JAM3: variants seen among roughly 807,000 people sequenced by gnomAD.
The protein encoded by JAM3 is junctional adhesion molecule C.
In JAM3, 31 loss-of-function variants were observed where a neutral mutation model predicts 39.4. That is an observed-to-expected ratio of 0.79 (90% CI 0.59 to 1.06). The LOEUF is 1.06. JAM3 is among the 50% of genes least tolerant of loss of function. JAM3 has a pLI of 0.00. For synonymous variants in JAM3, 182 were observed against 148.7 expected, an observed-to-expected ratio of 1.22 and a Z score of -1.63; for missense variants, 455 against 391.4, an observed-to-expected ratio of 1.16 and a Z score of -1.37.
intron 1 of JAM3, among the ~76,000 whole-genome samples, chr11:134,120,137 C>T (rs895637470): frequency 2.0e-5 from 3 of 149,320 alleles, no homozygotes; most frequent in African/African-American, 7.4e-5. Flanking sequence ...ATATATTCTT[C>T]TCTAGGGTAG....
At chr11:134,117,903 G>T (rs1444675370) in intron 1 of JAM3, among the ~76,000 whole-genome samples, 1 of 152,180 alleles carries the variant, frequency 6.6e-6, no homozygotes, top group East Asian at 1.9e-4. Context: ...CCCTAAAGAG[G>T]CTATACTGGA....
At chr11:134,081,568 A>G (rs144773552) in intron 1 of JAM3, among the ~76,000 whole-genome samples, 2 of 152,236 alleles carry the variant, frequency 1.3e-5, no homozygotes, top group African/African-American at 4.8e-5. Context: ...AGTGCACAGA[A>G]GGTCAAGAAT....
intron 1 of JAM3, among the ~76,000 whole-genome samples, chr11:134,135,856 A>C (rs910069129): frequency 3.3e-5 from 5 of 152,042 alleles, no homozygotes; most frequent in African/African-American, 1.2e-4. Flanking sequence ...AACACCTGAG[A>C]TCAGGAGTTC....
At chr11:134,141,883 C>CA (rs768671248) in intron 3 of JAM3, among the ~76,000 whole-genome samples, 8 of 151,736 alleles carry the variant, frequency 5.3e-5, no homozygotes, top group Non-Finnish European at 7.4e-5. Flanking sequence ...GTGGAGTTCT[C>CA]AGAGAAGTTG....
At chr11:134,123,745 G>C in intron 1 of JAM3, 1 of 628,472 alleles carries the variant, frequency 1.6e-6, no homozygotes, top group Non-Finnish European at 2.9e-6. Flanking sequence ...ACACAGGTAA[G>C]ATTCCAGATT....
intron 1 of JAM3, among the ~76,000 whole-genome samples, chr11:134,122,221 T>C (rs1376973004): frequency 1.3e-5 from 2 of 152,330 alleles, no homozygotes; most frequent in African/African-American, 4.8e-5. Flanking sequence ...GGTCCCGGTC[T>C]GTTCCTACTG....
chr11:134,086,661 A>G (rs1448317479), intron 1 of JAM3, among the ~76,000 whole-genome samples: 5 of 152,210 alleles, frequency 3.3e-5, no homozygotes, highest in Admixed American at 6.5e-5. Context: ...CAAAATAAAC[A>G]GCTTATTAAA....
chr11:134,079,610 A>T (rs958272214), intron 1 of JAM3, among the ~76,000 whole-genome samples: 1 of 152,122 alleles, frequency 6.6e-6, no homozygotes, highest in Non-Finnish European at 1.5e-5. Flanking sequence ...TTCATTTTTT[A>T]GACCTTGGGG....
chr11:134,125,868 C>T (rs1470995446), intron 1 of JAM3, among the ~76,000 whole-genome samples: 1 of 152,190 alleles, frequency 6.6e-6, no homozygotes, highest in Non-Finnish European at 1.5e-5. Flanking sequence ...AGCTGGTTGA[C>T]AGGCCTCTTC....
intron 1 of JAM3, among the ~76,000 whole-genome samples, chr11:134,111,496 A>C (rs11223694): frequency 0.077 from 11,739 of 152,224 alleles, 582 homozygotes; most frequent in Admixed American, 0.11. Context: ...GAAAAGAGTC[A>C]GTAAAATCCT....
chr11:134,095,212 A>C (rs1306827440), intron 1 of JAM3, among the ~76,000 whole-genome samples: 1 of 152,244 alleles, frequency 6.6e-6, no homozygotes, highest in African/African-American at 2.4e-5. Flanking sequence ...TTTGTAACAG[A>C]ATGGTGCAGT....
At chr11:134,085,095 A>C (rs1358918967) in intron 1 of JAM3, among the ~76,000 whole-genome samples, 1 of 152,188 alleles carries the variant, frequency 6.6e-6, no homozygotes, top group Non-Finnish European at 1.5e-5. Context: ...TGTAGGGCCT[A>C]CCGTGAATGC....
intron 1 of JAM3, among the ~76,000 whole-genome samples, chr11:134,127,189 T>C (rs994227519): frequency 6.6e-6 from 1 of 152,176 alleles, no homozygotes; most frequent in Non-Finnish European, 1.5e-5. Context: ...AAGTGCTGGC[T>C]CCATCACTTG....
At chr11:134,124,209 A>T (rs1942593898) in intron 1 of JAM3, 1 of 1,405,546 alleles carries the variant, frequency 7.1e-7, no homozygotes. Context: ...AACCAAAGTC[A>T]TCACTCCATA....
intron 1 of JAM3, among the ~76,000 whole-genome samples, chr11:134,100,928 T>A (rs1460739251): frequency 1.3e-5 from 2 of 152,186 alleles, no homozygotes; most frequent in Non-Finnish European, 1.5e-5. Flanking sequence ...AAAAAGTGAA[T>A]GAAGTAAAGT....
chr11:134,124,175 A>G, intron 1 of JAM3: 2 of 1,461,218 alleles, frequency 1.4e-6, no homozygotes, highest in Non-Finnish European at 1.9e-6. Flanking sequence ...CTGGAGCTTT[A>G]TCATACGTAG....
At chr11:134,080,084 A>G (rs1941639665) in intron 1 of JAM3, among the ~76,000 whole-genome samples, 1 of 152,020 alleles carries the variant, frequency 6.6e-6, no homozygotes, top group Non-Finnish European at 1.5e-5. Context: ...AAAATGAATA[A>G]CCAATTGGTT....
At position 134,150,240 on chromosome 11, in the gene JAM3, G is replaced by A. The variant is rs1289265843; in HGVS notation, c.*1059G>A. 2 of 152,318 alleles carry A rather than the reference G, an allele frequency of 1.3e-5. No individual in the cohort carries two copies. Among genetic ancestry groups the A allele is most frequent in the Admixed American group, 6.5e-5 (1 of 15,290 alleles). The allele number at this position is 152,318 out of a possible 1,614,324, so 9.4% of individuals were successfully genotyped here. A position where few individuals can be genotyped will look rare whatever the true frequency, so the allele number is the denominator to read the frequency against. Reference sequence around the variant, plus strand: ...GGAAACCTTTAAAAATTCCAGTTAAGCAATGTTGAAATCAGTTTGCATCTC... The same window carrying A: ...GGAAACCTTTAAAAATTCCAGTTAAACAATGTTGAAATCAGTTTGCATCTC... On this transcript the variant is annotated 3_prime_UTR_variant, in exon 9 of 9. Transcript: ENST00000299106.
At position 134,149,669 on chromosome 11, in the gene JAM3, A is replaced by C. The variant is rs554709763; in HGVS notation, c.*488A>C. 2.6e-5 allele frequency: 12 copies of C among 457,204 alleles called. No homozygotes were observed. The highest frequency in any genetic ancestry group is 1.5e-4 in the South Asian group (10 of 64,586). 28.3% of individuals were successfully genotyped at this position (457,204 alleles called of 1,614,324 possible). ...AGCCTTACTTCATCGGCCCACAGAC[A>C]CCACCGCAGTTTCTTCTTAAAGGCT... is the stretch of plus-strand genomic sequence containing the variant. On this transcript the variant is annotated 3_prime_UTR_variant, in exon 9 of 9. Coordinates refer to ENST00000299106, the MANE Select transcript of JAM3 (RefSeq NM_032801.5).
Sources: gnomAD v4.1 joint callset for allele counts (sites outside exome capture counted in the v4.1 genomes callset) on GRCh38, gnomAD v4.1.1 for gene constraint, MANE v1.5 for transcripts, NCBI Gene and HGNC (gene_info 2026-07-23, HGNC 2026-07-21) for gene names.